The following GALNT13 variants were observed in gnomAD, a reference collection of about 807,000 sequenced individuals.
GALNT13 encodes UDP-GalNAc:polypeptide N-acetylgalactosaminyltransferase 13.
Under a neutral mutation model 64.2 loss-of-function variants are expected in GALNT13, and 28 were observed. The observed-to-expected ratio is 0.44, with a 90% confidence interval of 0.32 to 0.60. The LOEUF is 0.60. GALNT13 is among the 20% of genes least tolerant of loss of function. The probability of loss-of-function intolerance (pLI) is 0.05; values close to 1 mark genes in which losing one functional copy is unlikely to be tolerated. For synonymous variants in GALNT13, 214 were observed against 224.6 expected (o/e 0.95, Z 0.42); for missense variants, 577 against 669.8 (o/e 0.86, Z 1.53).
At chr2:153,199,158 C>T in the GALNT13 span, among the ~76,000 whole-genome samples, 4 of 152,210 alleles carry the variant, frequency 2.6e-5, no homozygotes, top group African/African-American at 9.6e-5. Flanking sequence ...TCTTGAAGGG[C>T]AGCCTGGCAA....
chr2:154,048,091 T>C (rs1699378962), intron 3 of GALNT13, among the ~76,000 whole-genome samples: 1 of 152,154 alleles, frequency 6.6e-6, no homozygotes, highest in Non-Finnish European at 1.5e-5. Flanking sequence ...GTTTTAACCA[T>C]GGCAGAAGGC....
At chr2:153,391,961 A>C in the GALNT13 span, among the ~76,000 whole-genome samples, 1 of 149,610 alleles carries the variant, frequency 6.7e-6, no homozygotes, top group Non-Finnish European at 1.5e-5. Context: ...TCTATATTTT[A>C]TAATATATTT....
chr2:153,355,496 G>C, the GALNT13 span, among the ~76,000 whole-genome samples: 1 of 152,102 alleles, frequency 6.6e-6, no homozygotes, highest in South Asian at 2.1e-4. Flanking sequence ...GTTTCTGTTT[G>C]TGAACCCAGC....
At chr2:153,348,598 G>A in the GALNT13 span, among the ~76,000 whole-genome samples, 4 of 152,170 alleles carry the variant, frequency 2.6e-5, no homozygotes, top group South Asian at 8.3e-4. Flanking sequence ...ATAGAAAATT[G>A]TTGATAGAAA....
the GALNT13 span, among the ~76,000 whole-genome samples, chr2:153,660,194 T>G: frequency 6.6e-6 from 1 of 152,164 alleles, no homozygotes; most frequent in Non-Finnish European, 1.5e-5. Flanking sequence ...AGGTTGTCCA[T>G]TAAACTTCTC....
chr2:154,352,087 A>G (rs765446568), intron 9 of GALNT13, among the ~76,000 whole-genome samples: 2 of 152,224 alleles, frequency 1.3e-5, no homozygotes, highest in Non-Finnish European at 2.9e-5. Context: ...TAGAGAATGT[A>G]CTTCACAATT....
chr2:154,201,789 A>G (rs1687185279), intron 4 of GALNT13, among the ~76,000 whole-genome samples: 1 of 152,120 alleles, frequency 6.6e-6, no homozygotes, highest in Non-Finnish European at 1.5e-5. Flanking sequence ...CAGAACAGGC[A>G]TCTAATTGAG....
At chr2:153,577,012 C>T in the GALNT13 span, among the ~76,000 whole-genome samples, 1 of 152,088 alleles carries the variant, frequency 6.6e-6, no homozygotes, top group South Asian at 2.1e-4. Context: ...AACCTGAAAA[C>T]CATATAGAAG....
At chr2:153,088,491 T>C in the GALNT13 span, among the ~76,000 whole-genome samples, 6 of 152,232 alleles carry the variant, frequency 3.9e-5, no homozygotes, top group Non-Finnish European at 8.8e-5. Flanking sequence ...TTCTAGGGTA[T>C]AGTTCGAGTC....
the GALNT13 span, among the ~76,000 whole-genome samples, chr2:153,725,383 C>T: frequency 2.0e-5 from 3 of 150,576 alleles, no homozygotes; most frequent in East Asian, 3.9e-4. Context: ...GTGCAGCGCA[C>T]CAGCATGGCA....
the GALNT13 span, among the ~76,000 whole-genome samples, chr2:153,325,550 G>A: frequency 1.9e-3 from 286 of 152,138 alleles, no homozygotes; most frequent in Middle Eastern, 3.4e-3. Context: ...TTTTGAATTC[G>A]TTTGCACTTG....
chr2:154,104,456 G>T (rs1424644432), intron 3 of GALNT13, among the ~76,000 whole-genome samples: 1 of 152,200 alleles, frequency 6.6e-6, no homozygotes, highest in African/African-American at 2.4e-5. Flanking sequence ...TTCAAGTGCA[G>T]TCATGCCAGC....
At chr2:153,908,141 C>T (rs1365818982) in intron 2 of GALNT13, among the ~76,000 whole-genome samples, 2 of 152,150 alleles carry the variant, frequency 1.3e-5, no homozygotes, top group Non-Finnish European at 2.9e-5. Flanking sequence ...TTTTGGTTTC[C>T]ATTTCTCTAA....
the GALNT13 span, among the ~76,000 whole-genome samples, chr2:153,660,932 G>A: frequency 3.3e-5 from 5 of 152,250 alleles, no homozygotes; most frequent in South Asian, 8.3e-4. Flanking sequence ...GGCACTGCCC[G>A]TGAAGCAGCA....
At chr2:154,256,573 TAGAG>T (rs1275917688) in intron 7 of GALNT13, among the ~76,000 whole-genome samples, 1 of 152,040 alleles carries the variant, frequency 6.6e-6, no homozygotes, top group Non-Finnish European at 1.5e-5. Flanking sequence ...TGAGGGTATA[TAGAG>T]AGAGAGGAGC....
At chr2:153,812,084 A>G in the GALNT13 span, among the ~76,000 whole-genome samples, 1 of 152,050 alleles carries the variant, frequency 6.6e-6, no homozygotes, top group Non-Finnish European at 1.5e-5. Context: ...TGTCCACACA[A>G]CCTCCTCCAG....
chr2:153,576,784 G>A, the GALNT13 span, among the ~76,000 whole-genome samples: 937 of 151,924 alleles, frequency 6.2e-3, 16 homozygotes, highest in African/African-American at 0.021. Flanking sequence ...AAATTGGTGC[G>A]GGGGTTACAA....
chr2:154,301,231 A>C (rs1693422933), intron 8 of GALNT13, among the ~76,000 whole-genome samples, 178 bp from the exon 9 acceptor site: 1 of 152,244 alleles, frequency 6.6e-6, no homozygotes, highest in South Asian at 2.1e-4. Context: ...GTATTTAAAT[A>C]TATCAAGATC....
At chr2:153,688,925 A>T in the GALNT13 span, among the ~76,000 whole-genome samples, 1 of 150,530 alleles carries the variant, frequency 6.6e-6, no homozygotes, top group East Asian at 2.0e-4. Flanking sequence ...ATTTTGGTGA[A>T]CTTCTGCTGA....
Sources: gnomAD v4.1 joint callset for allele counts (sites outside exome capture counted in the v4.1 genomes callset) on GRCh38, gnomAD v4.1.1 for gene constraint, MANE v1.5 for transcripts, NCBI Gene and HGNC (gene_info 2026-07-23, HGNC 2026-07-21) for gene names.